MFAP3L: variants seen among roughly 807,000 people sequenced by gnomAD.
MFAP3L encodes the protein microfibril associated protein 3 like.
In MFAP3L, 5 loss-of-function variants were observed where a neutral mutation model predicts 20.0. That is an observed-to-expected ratio of 0.25 (90% confidence interval 0.13 to 0.53). The LOEUF (loss-of-function observed/expected upper bound fraction) is 0.53. MFAP3L is among the 20% of genes least tolerant of loss of function. MFAP3L has a pLI of 0.96. For synonymous variants in MFAP3L, 219 were observed against 213.0 expected (o/e 1.03, Z -0.25); for missense variants, 409 against 527.5 (o/e 0.78, Z 2.20).
intron 1 of MFAP3L, 35 bp from the exon 2 acceptor site, chr4:170,006,045 ACATTAG>A: frequency 7.3e-7 from 1 of 1,378,640 alleles, no homozygotes; most frequent in Non-Finnish European, 9.5e-7. Context: ...ATACACATAA[ACATTAG>A]CATTCATCCA....
intron 1 of MFAP3L, among the ~76,000 whole-genome samples, chr4:170,021,093 G>A (rs551052287): frequency 1.4e-3 from 213 of 152,174 alleles, no homozygotes; most frequent in African/African-American, 4.9e-3. Flanking sequence ...TTAGAACCCA[G>A]GGAAAGCAGA....
Position 169,989,795 on chromosome 4 carries a change from G to A in MFAP3L, c.*1583C>T, listed in dbSNP as rs1737532080. ...AGATTACTGTCTCCTTTGCTTTTAA[G>A]GGAAAATTAAATAAAACCACTCATT... On this transcript the variant is annotated 3_prime_UTR_variant, in exon 3 of 3. Coordinates refer to ENST00000361618, the MANE Select transcript of MFAP3L (RefSeq NM_021647.8). 1 of 152,116 alleles carries A rather than the reference G, an allele frequency of 6.6e-6. No individual in the cohort carries two copies. The highest frequency in any genetic ancestry group is 2.4e-5 in the African/African-American group (1 of 41,410). The allele number at this position is 152,116 out of a possible 1,614,324, so 9.4% of individuals were successfully genotyped here. A position where few individuals can be genotyped will look rare whatever the true frequency, so the allele number is the denominator to read the frequency against.
intron 1 of MFAP3L, among the ~76,000 whole-genome samples, chr4:170,018,516 C>T (rs1168533271): frequency 1.3e-5 from 2 of 152,156 alleles, no homozygotes; most frequent in Non-Finnish European, 2.9e-5. Context: ...GCGGCCATAA[C>T]TTGGAGGTAG....
At chr4:170,021,624 C>T (rs1002811779) in intron 1 of MFAP3L, among the ~76,000 whole-genome samples, 5 of 152,162 alleles carry the variant, frequency 3.3e-5, no homozygotes, top group African/African-American at 1.2e-4. Flanking sequence ...AGTTCAGTTT[C>T]AATTCAAAGC....
At chr4:170,014,227 G>A (rs1200901220) in intron 1 of MFAP3L, among the ~76,000 whole-genome samples, 1 of 152,198 alleles carries the variant, frequency 6.6e-6, no homozygotes, top group Non-Finnish European at 1.5e-5. Flanking sequence ...GAGTATGCAT[G>A]TAGAGATTCG....
chr4:169,998,979 A>C (rs1027410741), intron 2 of MFAP3L, among the ~76,000 whole-genome samples: 1 of 152,256 alleles, frequency 6.6e-6, no homozygotes, highest in Non-Finnish European at 1.5e-5. Context: ...TTGTATCTAT[A>C]AATGTGGCAC....
upstream of MFAP3L, chr4:170,027,207 C>G (rs894096736): frequency 1.3e-5 from 2 of 150,072 alleles, no homozygotes; most frequent in African/African-American, 4.9e-5. Flanking sequence ...GGCTTCTTCT[C>G]CTCCTTATCT....
chr4:170,012,038 C>T (rs1040619395), intron 1 of MFAP3L, among the ~76,000 whole-genome samples: 1 of 152,116 alleles, frequency 6.6e-6, no homozygotes, highest in Admixed American at 6.5e-5. Context: ...AGAAAATGAC[C>T]GGATAGTATG....
Position 169,994,229 on chromosome 4 carries a change from G to C in MFAP3L, c.299-1920C>G, listed in dbSNP as rs117227591. On this transcript the variant is annotated intron_variant, in intron 2 of 2. Coordinates refer to ENST00000361618, the MANE Select transcript of MFAP3L (RefSeq NM_021647.8). ...TTGTTGGAAAATATAGCAGAAAATA[G>C]AGTGGAGGAGGGTGAGAAGGTGAGG... is the stretch of plus-strand genomic sequence containing the variant. 344 of 985,372 alleles carry C rather than the reference G, an allele frequency of 3.5e-4. 3 individuals carry two copies. In the East Asian group the frequency reaches 0.012, roughly 34 times the overall value. The allele number at this position is 985,372 out of a possible 1,614,324, so 61.0% of individuals were successfully genotyped here.
intron 2 of MFAP3L, among the ~76,000 whole-genome samples, chr4:169,993,024 C>A (rs181446905): frequency 4.6e-5 from 7 of 152,272 alleles, no homozygotes; most frequent in Admixed American, 2.0e-4. Context: ...ACAGACCCAT[C>A]AAGTTGAAAA....
At chr4:170,015,936 C>T (rs572091284) in intron 1 of MFAP3L, among the ~76,000 whole-genome samples, 1 of 152,186 alleles carries the variant, frequency 6.6e-6, no homozygotes, top group Non-Finnish European at 1.5e-5. Flanking sequence ...GACCAAGGCC[C>T]GTGTCTTTGG....
chr4:170,017,830 C>T (rs1739793889), intron 1 of MFAP3L, among the ~76,000 whole-genome samples: 1 of 152,124 alleles, frequency 6.6e-6, no homozygotes, highest in African/African-American at 2.4e-5. Context: ...TTCCACTTTG[C>T]TTTTCTCTCA....
chr4:170,015,201 T>G (rs1739621741), intron 1 of MFAP3L, among the ~76,000 whole-genome samples: 1 of 152,222 alleles, frequency 6.6e-6, no homozygotes, highest in Admixed American at 6.5e-5. Flanking sequence ...GTGAGGATAC[T>G]TACTCCTTTC....
chr4:170,011,497 T>C (rs79460031), intron 1 of MFAP3L, among the ~76,000 whole-genome samples: 6,930 of 152,258 alleles, frequency 0.046, 166 homozygotes, highest in Middle Eastern at 0.068. Context: ...CTAATTCAGA[T>C]GGCAAATGTG....
At chr4:169,999,929 T>C (rs756859900) in intron 2 of MFAP3L, among the ~76,000 whole-genome samples, 3 of 152,182 alleles carry the variant, frequency 2.0e-5, no homozygotes, top group Non-Finnish European at 2.9e-5. Flanking sequence ...TCCTGTGCAA[T>C]GTAGGCTGTT....
At chr4:170,024,936 T>C (rs1283045547) in intron 1 of MFAP3L, among the ~76,000 whole-genome samples, 1 of 152,222 alleles carries the variant, frequency 6.6e-6, no homozygotes, top group East Asian at 1.9e-4. Context: ...ACAATTGTTT[T>C]GTAATAAGCT....
At chr4:169,997,732 T>C in intron 2 of MFAP3L, 1 of 984,918 alleles carries the variant, frequency 1.0e-6, no homozygotes, top group Non-Finnish European at 1.2e-6. Flanking sequence ...CTCACGGCCC[T>C]TCTATCACAC....
intron 2 of MFAP3L, among the ~76,000 whole-genome samples, chr4:170,002,441 T>C (rs1353517315): frequency 6.6e-6 from 1 of 152,210 alleles, no homozygotes; most frequent in African/African-American, 2.4e-5. Flanking sequence ...AAAATTATAA[T>C]TTTGTTAGTT....
In MFAP3L at chr4:170,026,093, A is replaced by C. The variant is rs548429937; in HGVS notation, c.-134+141T>G. On this transcript the variant is annotated intron_variant, in intron 1 of 2. Coordinates refer to ENST00000361618, the MANE Select transcript of MFAP3L (RefSeq NM_021647.8). ...CTGCCCGGACCCTGCGGCGTCTCGC[A>C]GCGCAGCCTCCGCCGCAGTCTCAGC... The C allele has an allele frequency of 6.5e-4, 220 of 337,446 alleles. 1 individual carries two copies. In the Admixed American group the frequency reaches 0.012, roughly 19 times the overall value. The allele number at this position is 337,446 out of a possible 1,614,324, so 20.9% of individuals were successfully genotyped here.
Sources: allele counts gnomAD v4.1 joint callset (sites outside exome capture counted in the v4.1 genomes callset), GRCh38; gene constraint gnomAD v4.1.1; transcripts MANE v1.5; gene names NCBI Gene and HGNC (gene_info 2026-07-23, HGNC 2026-07-21).